Variants in MAN1C1 observed in about 807,000 individuals in gnomAD.
MAN1C1 encodes mannosyl-oligosaccharide 1,2-alpha-mannosidase IC.
MAN1C1 carries 49 observed loss-of-function variants against 71.5 expected under a neutral mutation model. The ratio of observed to expected loss-of-function variants is 0.69; its 90% CI spans 0.54 to 0.87. The LOEUF (loss-of-function observed/expected upper bound fraction) is 0.87, where lower values mean the gene tolerates loss of function less well. Ranked by LOEUF, MAN1C1 falls within the 40% of genes least tolerant of loss-of-function variation. The pLI is 0.00. For missense variants in MAN1C1, 743 were observed against 835.0 expected (o/e 0.89, Z 1.36); for synonymous variants, 352 against 343.7 (o/e 1.02, Z -0.27).
intron 1 of MAN1C1, among the ~76,000 whole-genome samples, chr1:25,664,090 T>C (rs551372930): frequency 6.6e-6 from 1 of 152,308 alleles, no homozygotes; most frequent in Admixed American, 6.5e-5. Flanking sequence ...GCATTCCCCA[T>C]AGAGACTAGG....
intron 10 of MAN1C1, 112 bp downstream of exon 10, chr1:25,781,224 C>A: frequency 8.7e-7 from 1 of 1,143,344 alleles, no homozygotes; most frequent in Non-Finnish European, 1.3e-6. Flanking sequence ...GCCACGTTGA[C>A]CTCTGACCAC....
intron 1 of MAN1C1, among the ~76,000 whole-genome samples, chr1:25,625,356 C>T (rs1435102278): frequency 2.0e-5 from 3 of 152,184 alleles, no homozygotes; most frequent in South Asian, 2.1e-4. Context: ...TGCAGAAAAC[C>T]GTGTAGACCA....
intron 2 of MAN1C1, among the ~76,000 whole-genome samples, chr1:25,733,311 C>A (rs1236681436): frequency 1.3e-5 from 2 of 152,172 alleles, no homozygotes; most frequent in Admixed American, 6.5e-5. Flanking sequence ...CCAGTCAGAT[C>A]CAGTTCCTAA....
chr1:25,745,525 TAAAA>T (rs903279170), intron 2 of MAN1C1, among the ~76,000 whole-genome samples: 39 of 151,942 alleles, frequency 2.6e-4, no homozygotes, highest in African/African-American at 9.2e-4. Flanking sequence ...GCAATTTACT[TAAAA>T]AGAAAGAAAG....
At chr1:25,624,769 C>T (rs1425402407) in intron 1 of MAN1C1, among the ~76,000 whole-genome samples, 1 of 152,168 alleles carries the variant, frequency 6.6e-6, no homozygotes, top group African/African-American at 2.4e-5. Flanking sequence ...CCTCTGCCAT[C>T]TTCTTAAGCA....
intron 6 of MAN1C1, among the ~76,000 whole-genome samples, chr1:25,762,960 C>T (rs987028550): frequency 6.6e-6 from 1 of 152,070 alleles, no homozygotes; most frequent in African/African-American, 2.4e-5. Context: ...TGTCAATTAA[C>T]CCCACCTTTA....
At chr1:25,772,397 G>A (rs1178843386) in intron 8 of MAN1C1, 1 of 152,702 alleles carries the variant, frequency 6.5e-6, no homozygotes, top group African/African-American at 2.4e-5. Context: ...AGGGCTGGAA[G>A]GCTGAGGTGA....
chr1:25,670,576 A>AG (rs2124130586), intron 1 of MAN1C1, among the ~76,000 whole-genome samples: 1 of 152,370 alleles, frequency 6.6e-6, no homozygotes, highest in East Asian at 1.9e-4. Flanking sequence ...GGCACAGGGC[A>AG]GCAGCCGGCC....
rs376754047 is a variant in MAN1C1, at chr1:25,644,608, G to A, written c.540+26271G>A. The A allele has an allele frequency of 1.1e-4, 16 of 140,692 alleles. No individual in the cohort carries two copies. In the East Asian group the frequency reaches 1.7e-3, roughly 15 times the overall value. 8.7% of individuals were successfully genotyped at this position (140,692 alleles called of 1,614,324 possible). On this transcript the variant is annotated intron_variant, in intron 1 of 11. Transcript: ENST00000374332. ...TGGTGCGATCTGGGCTCACTGTAGC[G>A]TCCGTCTCCCGGGTTCAAGCAATTC...
chr1:25,656,093 G>GTTTTTTTTT (rs1557751359), intron 1 of MAN1C1, among the ~76,000 whole-genome samples: 1 of 79,896 alleles, frequency 1.3e-5, no homozygotes, highest in African/African-American at 1.1e-4. Context: ...GGGATTATCA[G>GTTTTTTTTT]TCTTTTTTTT....
In MAN1C1 at chr1:25,746,810, G is replaced by A; in HGVS notation, c.753+27G>A. Reference sequence around the variant, plus strand: ...TGAGTCAGAGGCCCTCGGCGGGGGAGGGGGGCGGGGGCCAGAAGAGGCCCA... The same window carrying A: ...TGAGTCAGAGGCCCTCGGCGGGGGAAGGGGGCGGGGGCCAGAAGAGGCCCA... On this transcript the variant is annotated intron_variant, in intron 3 of 11. Coordinates refer to ENST00000374332, the MANE Select transcript of MAN1C1 (RefSeq NM_020379.4). The surrounding 1 kb of genome is among the most constrained non-coding windows in gnomAD (Gnocchi z 4.0). 1.5e-6 allele frequency: 2 copies of A among 1,296,958 alleles called. No homozygotes were observed. Among genetic ancestry groups the A allele is most frequent in the Non-Finnish European group, 2.2e-6 (2 of 914,234 alleles). The allele number at this position is 1,296,958 out of a possible 1,614,324, so 80.3% of individuals were successfully genotyped here.
At chr1:25,745,940 G>A (rs1468784617) in intron 2 of MAN1C1, among the ~76,000 whole-genome samples, 2 of 152,072 alleles carry the variant, frequency 1.3e-5, no homozygotes, top group Non-Finnish European at 1.5e-5. Flanking sequence ...TCAGTGAGCT[G>A]AGATAGCACC....
At chr1:25,670,333 T>C (rs749000099) in intron 1 of MAN1C1, among the ~76,000 whole-genome samples, 1 of 152,236 alleles carries the variant, frequency 6.6e-6, no homozygotes, top group Non-Finnish European at 1.5e-5. Context: ...GCCACTTGCA[T>C]TGGTATTTTC....
intron 2 of MAN1C1, 148 bp downstream of exon 2, chr1:25,686,684 C>T: frequency 1.5e-6 from 1 of 660,014 alleles, no homozygotes; most frequent in Non-Finnish European, 2.6e-6. Flanking sequence ...TGTGTTTCCT[C>T]TGGGCTTTTC....
chr1:25,781,451 C>T (rs1326410172), intron 10 of MAN1C1, among the ~76,000 whole-genome samples: 2 of 152,186 alleles, frequency 1.3e-5, no homozygotes, highest in African/African-American at 2.4e-5. Flanking sequence ...GCTGTCCCAA[C>T]AGACGCTTTC....
intron 2 of MAN1C1, among the ~76,000 whole-genome samples, chr1:25,687,952 C>CT (rs913808442): frequency 1.1e-4 from 16 of 150,820 alleles, no homozygotes; most frequent in East Asian, 9.7e-4. Context: ...GTCCTTTCTG[C>CT]TTTTTTTTTG....
Position 25,784,066 on chromosome 1 carries a change from A to G in MAN1C1, c.*277A>G, listed in dbSNP as rs1187043990. 1 of 359,898 alleles carries G rather than the reference A, an allele frequency of 2.8e-6. No individual in the cohort carries two copies. Among genetic ancestry groups the G allele is most frequent in the Non-Finnish European group, 5.0e-6 (1 of 198,174 alleles). The allele number at this position is 359,898 out of a possible 1,614,324, so 22.3% of individuals were successfully genotyped here. On this transcript the variant is annotated 3_prime_UTR_variant, in exon 12 of 12. Coordinates refer to ENST00000374332, the MANE Select transcript of MAN1C1 (RefSeq NM_020379.4). ...TGCCATTCCAGGGCCAAAGGACCGG[A>G]GGTTTGCATATCCGCCCCTTGTATT...
At chr1:25,728,501 A>G (rs2046865147) in intron 2 of MAN1C1, among the ~76,000 whole-genome samples, 2 of 152,004 alleles carry the variant, frequency 1.3e-5, no homozygotes, top group South Asian at 4.2e-4. Context: ...AAACCCAGAG[A>G]CTTCAGTGCT....
intron 2 of MAN1C1, among the ~76,000 whole-genome samples, chr1:25,695,564 A>G (rs1433642099): frequency 1.3e-5 from 2 of 152,106 alleles, no homozygotes; most frequent in East Asian, 1.9e-4. Context: ...ACGCCTCGAA[A>G]TTAGCTTGCT....
Sources: gnomAD v4.1 joint callset for allele counts (sites outside exome capture counted in the v4.1 genomes callset) on GRCh38, gnomAD v4.1.1 for gene constraint, Gnocchi (gnomAD v3.1) non-coding constraint, MANE v1.5 for transcripts, NCBI Gene and HGNC (gene_info 2026-07-23, HGNC 2026-07-21) for gene names.